The following LRR1 variants were observed in gnomAD, a reference collection of about 807,000 sequenced individuals.
LRR1 encodes the protein leucine rich repeat protein 1, also known as leucine-rich repeat protein 1.
A neutral mutation model predicts 31.6 loss-of-function variants in LRR1; 29 were observed. That is an observed-to-expected ratio of 0.92 (90% CI 0.68 to 1.25). LRR1 has a LOEUF of 1.25. LRR1 is among the 50% of genes most tolerant of loss of function. The pLI, the probability that LRR1 is intolerant of heterozygous loss-of-function variation, is 0.00. For synonymous variants in LRR1, 179 were observed against 181.4 expected (o/e 0.99, Z 0.10); for missense variants, 485 against 487.2 (o/e 1.00, Z 0.04).
At chr14:49,601,399 G>A in intron 1 of LRR1, 1 of 497,080 alleles carries the variant, frequency 2.0e-6, no homozygotes, top group Non-Finnish European at 3.6e-6. Flanking sequence ...GTACATAGTG[G>A]GTTCTGAATC....
intron 1 of LRR1, chr14:49,600,899 T>C: frequency 2.9e-6 from 4 of 1,396,046 alleles, no homozygotes; most frequent in Non-Finnish European, 3.9e-6. Flanking sequence ...CATCATGTTG[T>C]AACTACATAA....
intron 2 of LRR1, 27 bp from the exon 3 acceptor site, chr14:49,607,373 A>G (rs1183568499): frequency 1.3e-6 from 2 of 1,520,174 alleles, no homozygotes; most frequent in Non-Finnish European, 1.8e-6. Flanking sequence ...AGTGGAATTT[A>G]TAATTCTACA....
chr14:49,602,596 T>G, intron 2 of LRR1, 128 bp downstream of exon 2: 2 of 700,246 alleles, frequency 2.9e-6, no homozygotes, highest in Admixed American at 5.4e-5. Context: ...ATCAAACACC[T>G]AGGCTCAAGC....
chr14:49,612,693 T>C, intron 3 of LRR1: 2 of 965,476 alleles, frequency 2.1e-6, no homozygotes, highest in Non-Finnish European at 1.3e-6. Flanking sequence ...TAAACTCTCA[T>C]TTTAAGTTGT....
intron 2 of LRR1, 141 bp from the exon 3 acceptor site, chr14:49,607,259 T>C: frequency 1.1e-6 from 1 of 916,310 alleles, no homozygotes; most frequent in Non-Finnish European, 1.5e-6. Context: ...AATAAAGTAC[T>C]AAAAAAAAGT....
Position 49,599,188 on chromosome 14 carries a change from C to T in LRR1, c.168C>T (p.Arg56=). The T allele has an allele frequency of 1.2e-6, 2 of 1,607,192 alleles. No homozygotes were observed. Among genetic ancestry groups the T allele is most frequent in the Non-Finnish European group, 1.7e-6 (2 of 1,177,302 alleles). ...TCATCTCCACCCTGAAGGACAAGCG[C>T]GGGACCCGCTATGAGGTGCGTGAAG... ...FLLISTLKDK[R]GTRYELRENI... Residue 56 remains arginine, a synonymous_variant, in exon 1 of 4, where the codon CGC becomes CGT. Coordinates refer to ENST00000298288, the MANE Select transcript of LRR1 (RefSeq NM_152329.4).
chr14:49,600,630 C>T, intron 1 of LRR1: 2 of 1,489,946 alleles, frequency 1.3e-6, no homozygotes, highest in Non-Finnish European at 1.8e-6. Context: ...TCTTCAGTGG[C>T]CAAGGAAACT....
At chr14:49,601,810 A>C (rs1002445500) in intron 1 of LRR1, among the ~76,000 whole-genome samples, 1 of 144,904 alleles carries the variant, frequency 6.9e-6, no homozygotes, top group Non-Finnish European at 1.5e-5. Context: ...ATAACTTCCC[A>C]ACTGCTAAAA....
intron 1 of LRR1, chr14:49,601,234 G>A: frequency 7.2e-7 from 1 of 1,392,778 alleles, no homozygotes; most frequent in Non-Finnish European, 9.6e-7. Context: ...AAAAAAATCA[G>A]GTCACAGCAT....
chr14:49,611,128 T>TA (rs1050889184), intron 3 of LRR1, among the ~76,000 whole-genome samples: 1 of 152,138 alleles, frequency 6.6e-6, no homozygotes, highest in Admixed American at 6.5e-5. Context: ...ACTCTTACTC[T>TA]AAACCAATGG....
chr14:49,614,631 T>C lies in LRR1; in HGVS notation c.*135T>C, dbSNP rs1467545930. On this transcript the variant is annotated 3_prime_UTR_variant, in exon 4 of 4. Transcript: ENST00000298288. ...GGAGGAATGTGTATAGTTACTCATT[T>C]AGATGACTCCAAAACTTTTATTAAA... is the stretch of plus-strand genomic sequence containing the variant. 7.4e-6 allele frequency: 9 copies of C among 1,223,842 alleles called. No individual in the cohort carries two copies. The Middle Eastern group carries it at 5.7e-4, about 77-fold the overall frequency. 75.8% of individuals were successfully genotyped at this position (1,223,842 alleles called of 1,614,324 possible).
intron 1 of LRR1, chr14:49,600,445 T>C: frequency 6.3e-7 from 1 of 1,596,176 alleles, no homozygotes; most frequent in Non-Finnish European, 8.6e-7. Flanking sequence ...GGACAGAAAC[T>C]AGCAAAAGAG....
At chr14:49,599,485 C>T (rs1415937038) in intron 1 of LRR1, among the ~76,000 whole-genome samples, 1 of 152,256 alleles carries the variant, frequency 6.6e-6, no homozygotes, top group Non-Finnish European at 1.5e-5. Context: ...TAGTGGATGG[C>T]AATCCCGCCT....
rs1282416703 is a variant in LRR1, at chr14:49,599,008, GC to G, written c.-11del. The G allele has an allele frequency of 1.2e-6, 2 of 1,600,314 alleles. No individual in the cohort carries two copies. Among genetic ancestry groups the G allele is most frequent in the Admixed American group, 1.7e-5 (1 of 58,072 alleles). On this transcript the variant is annotated 5_prime_UTR_variant, in exon 1 of 4. Coordinates refer to ENST00000298288, the MANE Select transcript of LRR1 (RefSeq NM_152329.4). Reference sequence around the variant, plus strand: ...TCAAAGCCAGCTTGACGTGGTTGTGGCCGTTGGGCGAGATGAAGCTACACTG... The same window carrying G: ...TCAAAGCCAGCTTGACGTGGTTGTGGCGTTGGGCGAGATGAAGCTACACTG...
intron 1 of LRR1, chr14:49,600,877 A>C: frequency 8.0e-7 from 1 of 1,244,224 alleles, no homozygotes; most frequent in Non-Finnish European, 1.1e-6. Context: ...ATAGTTTAAA[A>C]AGCTACAATC....
rs773166271 is a variant in LRR1, at chr14:49,608,087, T to C, written c.970T>C (p.Leu324=). The change falls in exon 3 of 4, where the codon TTG becomes CTG. Residue 324 remains leucine, a synonymous_variant. Coordinates refer to ENST00000298288, the MANE Select transcript of LRR1 (RefSeq NM_152329.4). The part of the protein sequence containing the change: ...VIKLQAPLTL[L]ESSARTILHN... ...AAAGCTGCAAGCACCATTAACTTTA[T>C]TGGAATCTTCTGCACGAACCATATT... 2 of 1,599,324 alleles carry C rather than the reference T, an allele frequency of 1.3e-6. No homozygotes were observed. Among genetic ancestry groups the C allele is most frequent in the South Asian group, 1.1e-5 (1 of 89,252 alleles).
rs756501349 is a variant in LRR1, at chr14:49,602,443, C to T, written c.257C>T (p.Pro86Leu). The T allele has an allele frequency of 3.7e-6, 6 of 1,613,366 alleles. No individual in the cohort carries two copies. The Admixed American group carries it at 8.3e-5, about 22-fold the overall frequency. ...EGKATVRLKE[P>L]PVDICLSKAI... ...AAAGCCACTGTTCGGTTAAAGGAGC[C>T]TCCTGTGGATATCTGTCTAAGTAAG... The change falls in exon 2 of 4, where the codon CCT (proline) becomes CTT (leucine). Residue 86 changes from proline (P) to leucine (L), a missense_variant. This residue lies in a region of LRR1 where 260 missense variants were observed against 249.6 expected (regional missense o/e 1.04). Transcript: ENST00000298288.
intron 3 of LRR1, among the ~76,000 whole-genome samples, chr14:49,611,658 C>G (rs1464211447): frequency 2.0e-5 from 3 of 152,154 alleles, no homozygotes; most frequent in Admixed American, 1.3e-4. Context: ...CGCAGTGGCT[C>G]ACGCCTGTAA....
chr14:49,613,124 G>A (rs1460741885), intron 3 of LRR1, among the ~76,000 whole-genome samples: 3 of 152,142 alleles, frequency 2.0e-5, no homozygotes, highest in African/African-American at 7.2e-5. Context: ...CAGATCACAA[G>A]GTCAGGAGAT....
Sources: gnomAD v4.1 joint callset for allele counts (sites outside exome capture counted in the v4.1 genomes callset) on GRCh38, gnomAD v4.1.1 for gene constraint, gnomAD v4.1.1 regional missense constraint, MANE v1.5 for transcripts, NCBI Gene and HGNC (gene_info 2026-07-23, HGNC 2026-07-21) for gene names.